STK32B: variants seen among roughly 807,000 people sequenced by gnomAD.
STK32B encodes the protein serine/threonine kinase 32B, also known as serine/threonine-protein kinase 32B.
STK32B carries 43 observed loss-of-function variants against 52.6 expected under a neutral mutation model. The observed-to-expected ratio is 0.82, with a 90% CI of 0.64 to 1.05. The LOEUF is 1.05. Among genes scored for constraint, STK32B ranks in the 50% least tolerant of loss-of-function variants. The pLI, the probability that STK32B is intolerant of heterozygous loss-of-function variation, is 0.00. For synonymous variants in STK32B, 238 were observed against 204.3 expected, an observed-to-expected ratio of 1.17 and a Z score of -1.41; for missense variants, 621 against 534.6, an observed-to-expected ratio of 1.16 and a Z score of -1.59.
In STK32B at chr4:5,238,138, G is replaced by A. The variant is rs370346407; in HGVS notation, c.260+69688G>A. ...GCCGTAAAAGATGACCACAAACTGG[G>A]TGTCTTCAAATAACAGAAATTATGG... On this transcript the variant is annotated intron_variant, in intron 3 of 11. Coordinates refer to ENST00000282908, the MANE Select transcript of STK32B (RefSeq NM_018401.3). Among the ~76,000 whole-genome samples, 7 of 152,260 alleles carry A rather than the reference G, an allele frequency of 4.6e-5. 1 individual carries two copies. The South Asian group carries it at 8.3e-4, about 18-fold the overall frequency.
At chr4:5,122,274 TCACTCACC>T (rs1715077489) in intron 1 of STK32B, among the ~76,000 whole-genome samples, 2 of 152,166 alleles carry the variant, frequency 1.3e-5, no homozygotes, top group African/African-American at 4.8e-5. Flanking sequence ...ATTCATTCAT[TCACTCACC>T]CATTCACTCA....
intron 2 of STK32B, among the ~76,000 whole-genome samples, chr4:5,165,009 G>A (rs778477310): frequency 1.3e-5 from 2 of 152,228 alleles, no homozygotes; most frequent in Non-Finnish European, 2.9e-5. Flanking sequence ...CACTCAATCT[G>A]CAAGAGGGCT....
chr4:5,251,618 T>C (rs1280144286), intron 3 of STK32B, among the ~76,000 whole-genome samples: 1 of 152,156 alleles, frequency 6.6e-6, no homozygotes, highest in African/African-American at 2.4e-5. Context: ...ATGAAGAATG[T>C]CATTGGTAGT....
At chr4:5,195,844 C>T (rs965977771) in intron 3 of STK32B, among the ~76,000 whole-genome samples, 1 of 152,210 alleles carries the variant, frequency 6.6e-6, no homozygotes, top group Admixed American at 6.5e-5. Context: ...CTATTATGGA[C>T]TTGACCTTTT....
Position 5,365,905 on chromosome 4 carries a change from A to C in STK32B, c.435-32302A>C, listed in dbSNP as rs748035565. 1.7e-4 allele frequency among the ~76,000 whole-genome samples: 26 copies of C among 152,300 alleles called. 1 individual carries two copies. Among genetic ancestry groups the C allele is most frequent in the Non-Finnish European group, 2.9e-4 (20 of 68,020 alleles). On this transcript the variant is annotated intron_variant, in intron 4 of 11. Coordinates refer to ENST00000282908, the MANE Select transcript of STK32B (RefSeq NM_018401.3). ...TGGGATTTTAAAGGGCAGCGTGAGAAAGGACTTGATTTAGAGATTGTGACT... is the reference window on the plus strand; with the variant it reads ...TGGGATTTTAAAGGGCAGCGTGAGACAGGACTTGATTTAGAGATTGTGACT...
At chr4:5,349,814 G>C (rs1255393366) in intron 4 of STK32B, among the ~76,000 whole-genome samples, 1 of 151,978 alleles carries the variant, frequency 6.6e-6, no homozygotes, top group Non-Finnish European at 1.5e-5. Flanking sequence ...CAGAAATTCT[G>C]GAACTGAAGA....
intron 3 of STK32B, among the ~76,000 whole-genome samples, chr4:5,192,746 C>T (rs1433731796): frequency 2.1e-5 from 1 of 48,374 alleles, no homozygotes; most frequent in African/African-American, 6.0e-5. Flanking sequence ...ACACCGAGTT[C>T]TACTCTCGGC....
In STK32B at chr4:5,395,019, G is replaced by A. The variant is rs534875461; in HGVS notation, c.435-3188G>A. 6.6e-5 allele frequency among the ~76,000 whole-genome samples: 10 copies of A among 152,294 alleles called. No homozygotes were observed. Among genetic ancestry groups the A allele is most frequent in the Admixed American group, 1.3e-4 (2 of 15,308 alleles). ...ACTCCTTTCTGGAACATGGGGTGGG[G>A]TTCTCTCCCAGGCTCTTGTGGTTGT... On this transcript the variant is annotated intron_variant, in intron 4 of 11. Coordinates refer to ENST00000282908, the MANE Select transcript of STK32B (RefSeq NM_018401.3). The surrounding 1 kb of genome is among the most constrained non-coding windows in gnomAD (Gnocchi z 4.4).
intron 9 of STK32B, among the ~76,000 whole-genome samples, chr4:5,462,998 C>T (rs1283201340): frequency 6.6e-6 from 1 of 152,180 alleles, no homozygotes; most frequent in African/African-American, 2.4e-5. Context: ...GTCTCTTCTG[C>T]CGTCTCTGTG....
At chr4:5,072,132 G>A (rs974187300) in intron 1 of STK32B, among the ~76,000 whole-genome samples, 9 of 152,122 alleles carry the variant, frequency 5.9e-5, no homozygotes, top group African/African-American at 1.9e-4. Flanking sequence ...TTCAAATAGG[G>A]TGTTAGTTTG....
In STK32B at chr4:5,327,325, G is replaced by A. The variant is rs139112457; in HGVS notation, c.261-3895G>A. 1.6e-3 allele frequency among the ~76,000 whole-genome samples: 233 copies of A among 149,746 alleles called. 1 individual carries two copies. Among genetic ancestry groups the A allele is most frequent in the African/African-American group, 5.3e-3 (217 of 40,722 alleles). ...GTTCTTAATGACAATCTAGTATGGCGAATCCTTTCCAGAAGATTTTCAATT... is the reference window on the plus strand; with the variant it reads ...GTTCTTAATGACAATCTAGTATGGCAAATCCTTTCCAGAAGATTTTCAATT... On this transcript the variant is annotated intron_variant, in intron 3 of 11. Transcript: ENST00000282908.
intron 3 of STK32B, among the ~76,000 whole-genome samples, chr4:5,279,723 C>G (rs1728068735): frequency 6.6e-6 from 1 of 152,228 alleles, no homozygotes; most frequent in South Asian, 2.1e-4. Flanking sequence ...CCTCTGACAT[C>G]TAGGCAGAGG....
At chr4:5,179,709 G>A (rs1432483791) in intron 3 of STK32B, among the ~76,000 whole-genome samples, 3 of 151,876 alleles carry the variant, frequency 2.0e-5, no homozygotes, top group African/African-American at 7.3e-5. Context: ...CACTACAGGG[G>A]TCAGGAGTTA....
chr4:5,280,839 C>T (rs923034493), intron 3 of STK32B, among the ~76,000 whole-genome samples: 16 of 152,210 alleles, frequency 1.1e-4, no homozygotes, highest in African/African-American at 3.9e-4. Flanking sequence ...GCAGAGGTTG[C>T]AGTGAGCCGA....
chr4:5,122,381 TTCAC>T (rs57737223), intron 1 of STK32B, among the ~76,000 whole-genome samples: 3 of 151,346 alleles, frequency 2.0e-5, no homozygotes, highest in African/African-American at 7.3e-5. Context: ...CACTCATTCA[TTCAC>T]TCACTCATTC....
chr4:5,119,157 G>A (rs1413319926), intron 1 of STK32B, among the ~76,000 whole-genome samples: 4 of 152,234 alleles, frequency 2.6e-5, no homozygotes, highest in African/African-American at 9.6e-5. Flanking sequence ...CGGGCTGCAG[G>A]CTCTCCTGAT....
At chr4:5,082,837 C>G (rs563253428) in intron 1 of STK32B, among the ~76,000 whole-genome samples, 87 of 152,136 alleles carry the variant, frequency 5.7e-4, no homozygotes, top group Non-Finnish European at 1.0e-3. Flanking sequence ...CTTTATTTCC[C>G]AGGAAGATTT....
chr4:5,480,143 C>G (rs982800857), intron 11 of STK32B, among the ~76,000 whole-genome samples: 3 of 152,112 alleles, frequency 2.0e-5, no homozygotes, highest in Admixed American at 6.5e-5. Flanking sequence ...ATTATCAGAC[C>G]GATATAGTGC....
intron 3 of STK32B, among the ~76,000 whole-genome samples, chr4:5,209,999 G>T (rs576803002): frequency 5.1e-4 from 78 of 152,310 alleles, no homozygotes; most frequent in African/African-American, 1.8e-3. Context: ...GAGGCCAACT[G>T]CCTGATTTGG....
Sources: allele counts gnomAD v4.1 joint callset (sites outside exome capture counted in the v4.1 genomes callset), GRCh38; gene constraint gnomAD v4.1.1; non-coding constraint Gnocchi (gnomAD v3.1); transcripts MANE v1.5; gene names NCBI Gene and HGNC (gene_info 2026-07-23, HGNC 2026-07-21).